The following KCTD20 variants were observed in gnomAD, a reference collection of about 807,000 sequenced individuals.
KCTD20 encodes the protein BTB/POZ domain-containing protein KCTD20.
Under a neutral mutation model 39.6 loss-of-function variants are expected in KCTD20, and 30 were observed. The ratio of observed to expected loss-of-function variants is 0.76; its 90% CI spans 0.57 to 1.03. KCTD20 has a LOEUF of 1.03. Ranked by LOEUF, KCTD20 falls within the 50% of genes least tolerant of loss-of-function variation. The pLI is 0.00. For missense variants in KCTD20, 422 were observed against 522.0 expected (o/e 0.81, Z 1.87); for synonymous variants, 162 against 180.6 (o/e 0.90, Z 0.83).
chr6:36,447,064 A>G (rs1775070323), intron 1 of KCTD20, among the ~76,000 whole-genome samples: 1 of 152,214 alleles, frequency 6.6e-6, no homozygotes, highest in African/African-American at 2.4e-5. Context: ...CAAAGCCATT[A>G]AAATATATGC....
chr6:36,460,259 T>A (rs1350415122), intron 1 of KCTD20, among the ~76,000 whole-genome samples: 1 of 152,166 alleles, frequency 6.6e-6, no homozygotes, highest in Non-Finnish European at 1.5e-5. Context: ...TAGAATTCCA[T>A]CTAACCAGTA....
At chr6:36,458,097 G>A (rs954020674) in intron 1 of KCTD20, among the ~76,000 whole-genome samples, 1 of 152,120 alleles carries the variant, frequency 6.6e-6, no homozygotes, top group African/African-American at 2.4e-5. Context: ...CTGTTGCCCA[G>A]GCAGGAAGGC....
intron 1 of KCTD20, among the ~76,000 whole-genome samples, chr6:36,454,731 G>A (rs949523757): frequency 2.0e-5 from 3 of 151,770 alleles, no homozygotes; most frequent in East Asian, 3.9e-4. Flanking sequence ...CTCCGCCGCC[G>A]GGTTCAAGCA....
intron 1 of KCTD20, among the ~76,000 whole-genome samples, chr6:36,450,159 G>T (rs1197179609): frequency 1.9e-5 from 2 of 105,388 alleles, no homozygotes; most frequent in East Asian, 3.5e-4. Context: ...GTGAGACTCC[G>T]TCCTAAAAAA....
At chr6:36,443,247 C>T (rs1467960668) in intron 1 of KCTD20, 136 bp downstream of exon 1, 1 of 152,286 alleles carries the variant, frequency 6.6e-6, no homozygotes, top group Non-Finnish European at 1.5e-5. Flanking sequence ...ACCCCCGAGT[C>T]GAAAGGCCGC....
intron 1 of KCTD20, among the ~76,000 whole-genome samples, chr6:36,458,304 C>T (rs963369540): frequency 2.0e-5 from 3 of 151,440 alleles, no homozygotes; most frequent in Admixed American, 6.6e-5. Flanking sequence ...TTTGGGAGGC[C>T]GAGGTGGGCG....
At chr6:36,444,630 A>G (rs1413740292) in intron 1 of KCTD20, among the ~76,000 whole-genome samples, 1 of 152,230 alleles carries the variant, frequency 6.6e-6, no homozygotes, top group African/African-American at 2.4e-5. Flanking sequence ...TAGCAGTACT[A>G]GTAGCATTAT....
chr6:36,485,625 C>T (rs1029276825), intron 7 of KCTD20, among the ~76,000 whole-genome samples: 1 of 151,580 alleles, frequency 6.6e-6, no homozygotes, highest in African/African-American at 2.4e-5. Context: ...TCTCGAGTAG[C>T]TGGGACTACA....
At chr6:36,466,067 GTTTCT>G (rs1418640473) in intron 1 of KCTD20, among the ~76,000 whole-genome samples, 41 of 149,904 alleles carry the variant, frequency 2.7e-4, no homozygotes, top group African/African-American at 9.3e-4. Flanking sequence ...GAAGTGTTTT[GTTTCT>G]TTTCTTTTTT....
rs1776506814 is a variant in KCTD20, at chr6:36,489,017, C to T, written c.*1842C>T. The T allele has an allele frequency of 6.6e-6, 1 of 152,638 alleles. No individual in the cohort carries two copies. The highest frequency in any genetic ancestry group is 2.1e-4 in the South Asian group (1 of 4,826). The allele number at this position is 152,638 out of a possible 1,614,324, so 9.5% of individuals were successfully genotyped here. ...ATTTTATTTCTGTGAAACTAATTGGCTCATATTTGAGGTTAGGTGTGGCCT... is the reference window on the plus strand; with the variant it reads ...ATTTTATTTCTGTGAAACTAATTGGTTCATATTTGAGGTTAGGTGTGGCCT... On this transcript the variant is annotated 3_prime_UTR_variant, in exon 8 of 8. Coordinates refer to ENST00000373731, the MANE Select transcript of KCTD20 (RefSeq NM_173562.5).
chr6:36,480,746 T>C (rs573146162), intron 5 of KCTD20, among the ~76,000 whole-genome samples: 40 of 152,036 alleles, frequency 2.6e-4, no homozygotes, highest in African/African-American at 9.2e-4. Flanking sequence ...AGAGATAGGG[T>C]TTCACCATGT....
At chr6:36,448,965 G>A (rs539334567) in intron 1 of KCTD20, among the ~76,000 whole-genome samples, 1 of 152,164 alleles carries the variant, frequency 6.6e-6, no homozygotes, top group Non-Finnish European at 1.5e-5. Flanking sequence ...GTTCCTCCCG[G>A]TGGGTTCGTG....
intron 6 of KCTD20, among the ~76,000 whole-genome samples, chr6:36,484,449 G>C (rs930775640): frequency 6.6e-6 from 1 of 152,080 alleles, no homozygotes; most frequent in African/African-American, 2.4e-5. Flanking sequence ...AAACGGTTTA[G>C]GCTATGCAGA....
intron 1 of KCTD20, among the ~76,000 whole-genome samples, chr6:36,467,168 C>T (rs926777805): frequency 2.0e-5 from 3 of 150,432 alleles, no homozygotes; most frequent in Non-Finnish European, 3.0e-5. Flanking sequence ...ATTAGCAGGG[C>T]GTGGTGGTGG....
At position 36,487,177 on chromosome 6, in the gene KCTD20, G is replaced by A. The variant is rs561424946; in HGVS notation, c.*2G>A. Reference sequence around the variant, plus strand: ...GCTTCTAACGACTTTCAGGATTAGGGCCAGCTGTGGGTCTACTCCTTGTTG... The same window carrying A: ...GCTTCTAACGACTTTCAGGATTAGGACCAGCTGTGGGTCTACTCCTTGTTG... On this transcript the variant is annotated 3_prime_UTR_variant, in exon 8 of 8. Coordinates refer to ENST00000373731, the MANE Select transcript of KCTD20 (RefSeq NM_173562.5). 37 of 1,609,024 alleles carry A rather than the reference G, an allele frequency of 2.3e-5. No homozygotes were observed. The African/African-American group carries it at 3.5e-4, about 15-fold the overall frequency.
chr6:36,457,126 G>T (rs1044662717), intron 1 of KCTD20, among the ~76,000 whole-genome samples: 2 of 152,042 alleles, frequency 1.3e-5, no homozygotes, highest in East Asian at 1.9e-4. Context: ...AGAGATGGGG[G>T]TCTCACTGTG....
intron 1 of KCTD20, among the ~76,000 whole-genome samples, chr6:36,461,303 AACTTTTTTAAAAAAGT>A (rs1478237755): frequency 9.9e-5 from 15 of 152,284 alleles, no homozygotes; most frequent in African/African-American, 3.1e-4. Context: ...CATCTACCAG[AACTTTTTTAAAAAAGT>A]ACTTAAGGAT....
intron 1 of KCTD20, among the ~76,000 whole-genome samples, chr6:36,445,061 A>C (rs1212476497): frequency 6.6e-6 from 1 of 152,148 alleles, no homozygotes; most frequent in Non-Finnish European, 1.5e-5. Flanking sequence ...CAGGAGTTTC[A>C]GACCAGCCTG....
At chr6:36,449,408 C>T (rs982807849) in intron 1 of KCTD20, among the ~76,000 whole-genome samples, 5 of 151,924 alleles carry the variant, frequency 3.3e-5, no homozygotes, top group Non-Finnish European at 7.4e-5. Flanking sequence ...ACACAGAGCG[C>T]TGATTCATGC....
Sources: allele counts gnomAD v4.1 joint callset (sites outside exome capture counted in the v4.1 genomes callset), GRCh38; gene constraint gnomAD v4.1.1; transcripts MANE v1.5; gene names NCBI Gene and HGNC (gene_info 2026-07-23, HGNC 2026-07-21).